STXBP6: variants seen among roughly 807,000 people sequenced by gnomAD.
STXBP6 encodes syntaxin binding protein 6.
In STXBP6, 21 loss-of-function variants were observed where a neutral mutation model predicts 26.9. The ratio of observed to expected loss-of-function variants is 0.78; its 90% CI spans 0.55 to 1.12. The LOEUF is 1.12. Ranked by LOEUF, STXBP6 falls within the 50% of genes most tolerant of loss-of-function variation. The pLI is 0.00. For synonymous variants in STXBP6, 97 were observed against 92.6 expected, an observed-to-expected ratio of 1.05 and a Z score of -0.27; for missense variants, 232 against 257.9, an observed-to-expected ratio of 0.90 and a Z score of 0.69.
chr14:24,946,038 T>C (rs1171649325), intron 2 of STXBP6, among the ~76,000 whole-genome samples: 1 of 152,176 alleles, frequency 6.6e-6, no homozygotes, highest in Non-Finnish European at 1.5e-5. Flanking sequence ...TATGTGGCAA[T>C]TAACACCTAA....
At chr14:24,974,975 C>A in intron 1 of STXBP6, 125 bp from the exon 2 acceptor site, 1 of 561,540 alleles carries the variant, frequency 1.8e-6, no homozygotes, top group Non-Finnish European at 2.9e-6. Flanking sequence ...CTCATAATTG[C>A]TTGAAATGTA....
intron 1 of STXBP6, among the ~76,000 whole-genome samples, chr14:25,038,739 A>G (rs561583827): frequency 2.4e-4 from 36 of 152,284 alleles, no homozygotes; most frequent in African/African-American, 8.2e-4. Context: ...ACGACAAAAT[A>G]ATCTGTACAA....
chr14:24,858,513 A>C (rs1262852018), intron 2 of STXBP6, among the ~76,000 whole-genome samples: 5 of 152,116 alleles, frequency 3.3e-5, no homozygotes, highest in Admixed American at 6.6e-5. Flanking sequence ...AAAACTTCTG[A>C]ATATTTCATA....
chr14:24,826,090 TAC>T (rs1198016376), intron 4 of STXBP6, among the ~76,000 whole-genome samples: 2 of 152,202 alleles, frequency 1.3e-5, no homozygotes, highest in Non-Finnish European at 2.9e-5. Flanking sequence ...CTACTTTTAT[TAC>T]AGTTGGCAGC....
intron 2 of STXBP6, among the ~76,000 whole-genome samples, chr14:24,911,192 C>A (rs1238465407): frequency 6.6e-6 from 1 of 151,844 alleles, no homozygotes; most frequent in East Asian, 1.9e-4. Context: ...AAAAAATTAT[C>A]CAGGCATACT....
In STXBP6 at chr14:24,954,115, G is replaced by A. The variant is rs530696570; in HGVS notation, c.154+20550C>T. ...TCAATCATCTCTGGCCTGTGCATAG[G>A]GTGTCACAGCTCCTTAATGAAGGTA... On this transcript the variant is annotated intron_variant, in intron 2 of 5. Transcript: ENST00000323944. 2.6e-5 allele frequency among the ~76,000 whole-genome samples: 4 copies of A among 152,240 alleles called. No homozygotes were observed. The South Asian group carries it at 6.2e-4, about 24-fold the overall frequency.
At chr14:24,944,805 TA>T (rs1407386502) in intron 2 of STXBP6, among the ~76,000 whole-genome samples, 1 of 152,110 alleles carries the variant, frequency 6.6e-6, no homozygotes, top group Non-Finnish European at 1.5e-5. Flanking sequence ...ATGGAAGGCA[TA>T]CTAGAAGAGC....
chr14:24,895,545 C>A (rs1443694871), intron 2 of STXBP6, among the ~76,000 whole-genome samples: 1 of 152,112 alleles, frequency 6.6e-6, no homozygotes, highest in Non-Finnish European at 1.5e-5. Context: ...GGTAAGCTAC[C>A]CATATGCCAA....
chr14:24,820,051 A>G (rs778143538), intron 4 of STXBP6, among the ~76,000 whole-genome samples: 1 of 152,246 alleles, frequency 6.6e-6, no homozygotes, highest in Non-Finnish European at 1.5e-5. Context: ...GCAAAATTCA[A>G]TAGTGAAGAA....
chr14:24,851,074 A>C (rs1384676143), intron 4 of STXBP6, among the ~76,000 whole-genome samples: 1 of 152,088 alleles, frequency 6.6e-6, no homozygotes, highest in Non-Finnish European at 1.5e-5. Flanking sequence ...AATCATTATA[A>C]ATTGGTCAAC....
rs563630656 is a variant in STXBP6, at chr14:24,987,613, G to A, written c.-32-12763C>T. Reference sequence around the variant, plus strand: ...TATTTCATCTTCCACACTTGCGAGAGAGGTATGATTGTCTCTACTGACACA... The same window carrying A: ...TATTTCATCTTCCACACTTGCGAGAAAGGTATGATTGTCTCTACTGACACA... On this transcript the variant is annotated intron_variant, in intron 1 of 5. Transcript: ENST00000323944. Among the ~76,000 whole-genome samples the A allele has an allele frequency of 8.5e-5, 13 of 152,364 alleles. No individual in the cohort carries two copies. In the East Asian group the frequency reaches 1.9e-3, roughly 23 times the overall value.
chr14:24,909,339 C>T (rs1245166022), intron 2 of STXBP6, among the ~76,000 whole-genome samples: 1 of 152,236 alleles, frequency 6.6e-6, no homozygotes, highest in Non-Finnish European at 1.5e-5. Context: ...CCACATGAGC[C>T]TCTGTGGTTC....
intron 2 of STXBP6, chr14:24,878,607 C>T (rs1252253925): frequency 1.1e-5 from 2 of 179,220 alleles, no homozygotes; most frequent in Non-Finnish European, 2.4e-5. Flanking sequence ...TATCTAATAA[C>T]CTTTTCTTAT....
At chr14:24,916,180 T>A (rs1024828188) in intron 2 of STXBP6, among the ~76,000 whole-genome samples, 5 of 152,128 alleles carry the variant, frequency 3.3e-5, no homozygotes, top group African/African-American at 1.2e-4. Context: ...ATGAGTTTTG[T>A]GATAAGGGCA....
chr14:25,023,830 G>A (rs1350081752), intron 1 of STXBP6, among the ~76,000 whole-genome samples: 2 of 152,074 alleles, frequency 1.3e-5, no homozygotes, highest in African/African-American at 4.8e-5. Context: ...TTGCTTCTCT[G>A]TTTCTTAGTA....
At chr14:24,907,724 A>T (rs1402814040) in intron 2 of STXBP6, among the ~76,000 whole-genome samples, 1 of 152,176 alleles carries the variant, frequency 6.6e-6, no homozygotes, top group Non-Finnish European at 1.5e-5. Context: ...TGAAGGGACA[A>T]TGTTGATAAC....
At chr14:24,957,025 C>T (rs903736083) in intron 2 of STXBP6, among the ~76,000 whole-genome samples, 1 of 152,210 alleles carries the variant, frequency 6.6e-6, no homozygotes, top group Non-Finnish European at 1.5e-5. Context: ...CAGCACACTA[C>T]CAACCAGCAA....
At chr14:24,897,192 C>T (rs1477451967) in intron 2 of STXBP6, among the ~76,000 whole-genome samples, 3 of 151,880 alleles carry the variant, frequency 2.0e-5, no homozygotes, top group Non-Finnish European at 2.9e-5. Context: ...AGGCAGATCA[C>T]GAGGTCAGGA....
At chr14:24,928,367 C>A (rs538682140) in intron 2 of STXBP6, among the ~76,000 whole-genome samples, 91 of 150,732 alleles carry the variant, frequency 6.0e-4, no homozygotes, top group African/African-American at 2.0e-3. Flanking sequence ...AACCAAGCAT[C>A]CTTGGTTTGT....
Sources: allele counts gnomAD v4.1 joint callset (sites outside exome capture counted in the v4.1 genomes callset), GRCh38; gene constraint gnomAD v4.1.1; transcripts MANE v1.5; gene names NCBI Gene and HGNC (gene_info 2026-07-23, HGNC 2026-07-21).